EXOC6: variants seen among roughly 807,000 people sequenced by gnomAD.
EXOC6 encodes exocyst complex component 6, also known as SEC15-like 1.
A neutral mutation model predicts 112.5 loss-of-function variants in EXOC6; 60 were observed. The observed-to-expected ratio is 0.53, with a 90% CI of 0.43 to 0.66. EXOC6 has a LOEUF of 0.66. Ranked by LOEUF, EXOC6 falls within the 30% of genes least tolerant of loss-of-function variation. The pLI is 0.00. For synonymous variants in EXOC6, 295 were observed against 308.0 expected, an observed-to-expected ratio of 0.96 and a Z score of 0.44; for missense variants, 855 against 957.1, an observed-to-expected ratio of 0.89 and a Z score of 1.41.
rs565901374 is a variant in EXOC6, at chr10:92,921,268, G to C, written c.888+1218G>C. Reference sequence around the variant, plus strand: ...TCCTTTTTTTTTTTTTTTTGTGCTGGAGTTTTGCTCTTGTTGCCCAGGATG... The same window carrying C: ...TCCTTTTTTTTTTTTTTTTGTGCTGCAGTTTTGCTCTTGTTGCCCAGGATG... On this transcript the variant is annotated intron_variant, in intron 8 of 21. Coordinates refer to ENST00000260762, the MANE Select transcript of EXOC6 (RefSeq NM_019053.6). Among the ~76,000 whole-genome samples the C allele has an allele frequency of 7.0e-3, 819 of 117,618 alleles. 4 individuals carry two copies. The highest frequency in any genetic ancestry group is 0.011 in the Non-Finnish European group (636 of 58,420). The allele number at this position is 117,618 out of a possible 152,430, so 77.2% of individuals were successfully genotyped here. A position where few individuals can be genotyped will look rare whatever the true frequency, so the allele number is the denominator to read the frequency against.
chr10:92,911,825 C>T (rs1320824094), intron 6 of EXOC6, among the ~76,000 whole-genome samples: 1 of 151,912 alleles, frequency 6.6e-6, no homozygotes, highest in African/African-American at 2.4e-5. Flanking sequence ...AGTTAGACTT[C>T]TCAAGATTTG....
At chr10:92,969,851 G>A (rs1217705001) in intron 17 of EXOC6, among the ~76,000 whole-genome samples, 4 of 151,914 alleles carry the variant, frequency 2.6e-5, no homozygotes, top group Non-Finnish European at 5.9e-5. Flanking sequence ...ACACCACCAC[G>A]CCCGGCTAAT....
chr10:92,844,608 G>A (rs1458171091), upstream of EXOC6, among the ~76,000 whole-genome samples: 1 of 152,034 alleles, frequency 6.6e-6, no homozygotes, highest in African/African-American at 2.4e-5. Flanking sequence ...TTAGGAAAAA[G>A]AACATTTATG....
chr10:93,000,481 A>G (rs1843709905), intron 19 of EXOC6, among the ~76,000 whole-genome samples: 2 of 152,192 alleles, frequency 1.3e-5, no homozygotes, highest in South Asian at 2.1e-4. Flanking sequence ...GAAAAGACCA[A>G]GAAAGGTCCT....
chr10:92,972,430 G>A (rs903891159), intron 17 of EXOC6, among the ~76,000 whole-genome samples: 2 of 152,158 alleles, frequency 1.3e-5, no homozygotes, highest in Non-Finnish European at 1.5e-5. Flanking sequence ...AAGGTGGGGT[G>A]GAGCTGCTAT....
intron 20 of EXOC6, among the ~76,000 whole-genome samples, chr10:93,022,622 A>C (rs1844837924): frequency 6.6e-6 from 1 of 152,176 alleles, no homozygotes; most frequent in African/African-American, 2.4e-5. Flanking sequence ...GGACTTAATA[A>C]ATTGAAAAAG....
intron 19 of EXOC6, among the ~76,000 whole-genome samples, chr10:93,004,536 T>C (rs1013313481): frequency 2.6e-5 from 4 of 152,230 alleles, no homozygotes; most frequent in African/African-American, 9.6e-5. Context: ...GACTGAAGAA[T>C]GACCTTTTAA....
intron 13 of EXOC6, among the ~76,000 whole-genome samples, chr10:92,946,742 T>A (rs1853039462): frequency 6.6e-6 from 1 of 152,204 alleles, no homozygotes; most frequent in African/African-American, 2.4e-5. Context: ...TAACGCTCAC[T>A]CCTTGTGCCT....
chr10:92,867,774 A>G (rs943028162), intron 1 of EXOC6, among the ~76,000 whole-genome samples: 1 of 152,188 alleles, frequency 6.6e-6, no homozygotes, highest in Non-Finnish European at 1.5e-5. Flanking sequence ...TGGATATATA[A>G]ATGGATACAC....
chr10:93,026,575 GT>G (rs1314616732), intron 20 of EXOC6, among the ~76,000 whole-genome samples: 2 of 152,110 alleles, frequency 1.3e-5, no homozygotes, highest in Non-Finnish European at 2.9e-5. Flanking sequence ...TTTCAGTACC[GT>G]TTTTCTAACA....
chr10:92,914,794 G>A (rs891949557), intron 6 of EXOC6, among the ~76,000 whole-genome samples: 11 of 152,192 alleles, frequency 7.2e-5, no homozygotes, highest in African/African-American at 2.4e-4. Flanking sequence ...AAAATAGCCA[G>A]TGCACGACCT....
At chr10:92,933,003 G>A (rs1852135039) in intron 9 of EXOC6, among the ~76,000 whole-genome samples, 2 of 152,152 alleles carry the variant, frequency 1.3e-5, no homozygotes, top group African/African-American at 4.8e-5. Context: ...ACTTAAGGAT[G>A]TGTAATGTGA....
rs75874646 is a variant in EXOC6 at position 92,947,089 on chromosome 10, T to C, written c.1311-1185T>C. Among the ~76,000 whole-genome samples the C allele has an allele frequency of 2.8e-3, 423 of 152,306 alleles. 3 individuals carry two copies. Among genetic ancestry groups the C allele is most frequent in the African/African-American group, 9.9e-3 (411 of 41,556 alleles). ...GTGCTCAATAAATATTAATCAAAAT[T>C]ATTTAATTAAAAGGAAATCAATGAT... On this transcript the variant is annotated intron_variant, in intron 13 of 21. Coordinates refer to ENST00000260762, the MANE Select transcript of EXOC6 (RefSeq NM_019053.6).
chr10:92,979,857 A>G (rs1206159875), intron 18 of EXOC6, among the ~76,000 whole-genome samples: 1 of 146,910 alleles, frequency 6.8e-6, no homozygotes, highest in Non-Finnish European at 1.5e-5. Flanking sequence ...AGATCATGCC[A>G]CAGCTCTCCA....
intron 18 of EXOC6, among the ~76,000 whole-genome samples, chr10:92,978,639 C>T (rs1842721099): frequency 6.6e-6 from 1 of 152,076 alleles, no homozygotes; most frequent in Non-Finnish European, 1.5e-5. Flanking sequence ...GGCATTAAAT[C>T]TATTATTTTT....
At chr10:92,848,092 C>T (rs1164123144), upstream of EXOC6, among the ~76,000 whole-genome samples, 1 of 152,066 alleles carries the variant, frequency 6.6e-6, no homozygotes, top group East Asian at 1.9e-4. Flanking sequence ...TCCCCACGAC[C>T]CAGAGTACAT....
At chr10:92,884,890 A>G (rs1285875665) in intron 1 of EXOC6, among the ~76,000 whole-genome samples, 1 of 152,158 alleles carries the variant, frequency 6.6e-6, no homozygotes, top group African/African-American at 2.4e-5. Context: ...CTTAAAAAAA[A>G]TACTGTGGAA....
rs139196824 is a variant in EXOC6 at position 92,848,562 on chromosome 10, C to T, written c.29C>T (p.Thr10Ile). Reference sequence around the variant, plus strand: ...GCGGAGAACAGCGAGAGTCTGGGCACCGTCCCCGAGCACGAGCGGATCTTG... The same window carrying T: ...GCGGAGAACAGCGAGAGTCTGGGCATCGTCCCCGAGCACGAGCGGATCTTG... MAENSESLG[T>I]VPEHERILQE... Residue 10 changes from threonine to isoleucine, a missense_variant, in exon 1 of 22, where the codon ACC (threonine) becomes ATC (isoleucine). Thr to Ile is a moderately conservative substitution (Grantham distance 89, BLOSUM62 -1). Coordinates refer to ENST00000260762, the MANE Select transcript of EXOC6 (RefSeq NM_019053.6). 0.022 allele frequency: 32,476 copies of T among 1,446,110 alleles called. 662 individuals carry two copies. Among genetic ancestry groups the T allele is most frequent in the Non-Finnish European group, 0.022 (24,288 of 1,081,938 alleles). The allele number at this position is 1,446,110 out of a possible 1,614,324, so 89.6% of individuals were successfully genotyped here.
chr10:92,907,047 C>T (rs1046002948), intron 5 of EXOC6, among the ~76,000 whole-genome samples: 2 of 152,180 alleles, frequency 1.3e-5, no homozygotes, highest in African/African-American at 4.8e-5. Context: ...CTGACTTCTG[C>T]TCTCTGCCTA....
Sources: allele counts gnomAD v4.1 joint callset (sites outside exome capture counted in the v4.1 genomes callset), GRCh38; gene constraint gnomAD v4.1.1; transcripts MANE v1.5; gene names NCBI Gene and HGNC (gene_info 2026-07-23, HGNC 2026-07-21).